The following NALF1 variants were observed in gnomAD, a reference collection of about 807,000 sequenced individuals.
The protein encoded by NALF1 is NALCN channel auxiliary factor 1.
A neutral mutation model predicts 48.4 loss-of-function variants in NALF1; 3 were observed. The observed-to-expected ratio is 0.06, with a 90% CI of 0.03 to 0.16. The LOEUF (loss-of-function observed/expected upper bound fraction) is 0.16, where lower values mean the gene tolerates loss of function less well. Among genes scored for constraint, NALF1 ranks in the 10% least tolerant of loss-of-function variants. The pLI, the probability that NALF1 is intolerant of heterozygous loss-of-function variation, is 1.00. For missense variants in NALF1, 526 were observed against 571.5 expected, an observed-to-expected ratio of 0.92 and a Z score of 0.81; for synonymous variants, 262 against 245.7, an observed-to-expected ratio of 1.07 and a Z score of -0.62.
intron 1 of NALF1, among the ~76,000 whole-genome samples, chr13:107,295,130 C>T (rs935282099): frequency 6.6e-6 from 1 of 152,162 alleles, no homozygotes. Flanking sequence ...GGTAGTTTCT[C>T]AACCCTTGTC....
chr13:107,279,726 T>C (rs566390388), intron 1 of NALF1, among the ~76,000 whole-genome samples: 47 of 152,312 alleles, frequency 3.1e-4, no homozygotes, highest in African/African-American at 1.1e-3. Flanking sequence ...CTGCCCTCAA[T>C]CTTGCTTTTT....
In NALF1 at chr13:107,583,354, A is replaced by T. The variant is rs189223649; in HGVS notation, c.915+282328T>A. On this transcript the variant is annotated intron_variant, in intron 1 of 2. Transcript: ENST00000375915. ...TGTTATCAACATTTTTACATTGTCA[A>T]ACAAGTTAAATTTTTATTCTAAGAT... is the stretch of plus-strand genomic sequence containing the variant. Among the ~76,000 whole-genome samples, 396 of 152,306 alleles carry T rather than the reference A, an allele frequency of 2.6e-3. 1 individual carries two copies. The highest frequency in any genetic ancestry group is 8.9e-3 in the African/African-American group (370 of 41,568).
chr13:107,848,512 G>A (rs1880228965), intron 1 of NALF1, among the ~76,000 whole-genome samples: 1 of 152,156 alleles, frequency 6.6e-6, no homozygotes. Context: ...CAAAATGCAA[G>A]CAGCTGTATT....
At position 107,399,725 on chromosome 13, in the gene NALF1, G is replaced by A. The variant is rs9587369; in HGVS notation, c.916-188970C>T. On this transcript the variant is annotated intron_variant, in intron 1 of 2. Coordinates refer to ENST00000375915, the MANE Select transcript of NALF1 (RefSeq NM_001080396.3). The stretch of plus-strand genomic sequence containing the variant: ...GTATGCACTACCAAGAGGAAAACGA[G>A]TAGCAGAATACTCTAATTCCCAGCA... 9.9e-3 allele frequency among the ~76,000 whole-genome samples: 1,508 copies of A among 152,194 alleles called. 28 individuals carry two copies. Among genetic ancestry groups the A allele is most frequent in the African/African-American group, 0.033 (1,370 of 41,538 alleles).
intron 1 of NALF1, among the ~76,000 whole-genome samples, chr13:107,566,865 G>A (rs373861011): frequency 1.8e-4 from 27 of 152,230 alleles, no homozygotes; most frequent in Admixed American, 1.2e-3. Context: ...TGCCCTGAGC[G>A]GCTTCTGTCC....
chr13:107,866,073 C>T lies in NALF1; in HGVS notation c.524G>A (p.Gly175Asp), dbSNP rs1389336332. 4 of 1,612,974 alleles carry T rather than the reference C, an allele frequency of 2.5e-6. No individual in the cohort carries two copies. The highest frequency in any genetic ancestry group is 3.4e-6 in the Non-Finnish European group (4 of 1,179,966). Residue 175 changes from glycine (G) to aspartate (D), a missense_variant, in exon 1 of 3, where the codon GGC (glycine) becomes GAC (aspartate). Physicochemically the swap from Gly to Asp is moderately conservative, Grantham distance 94. Transcript: ENST00000375915. The surrounding 1 kb of genome is among the most constrained non-coding windows in gnomAD (Gnocchi z 4.4). ...VWRLETCYPQ[G>D]ASSGQCFTVE... ...CGTGAAGCACTGGCCCGAGGACGCG[C>T]CCTGGGGGTAACAAGTCTCCAGGCG... is the stretch of plus-strand genomic sequence containing the variant.
intron 1 of NALF1, among the ~76,000 whole-genome samples, chr13:107,645,678 GACAAAAAAAAA>G (rs1566428070): frequency 7.1e-5 from 2 of 28,194 alleles, no homozygotes; most frequent in East Asian, 5.2e-3. Context: ...AATACTGGGA[GACAAAAAAAAA>G]AAAAAAAAAA....
At chr13:107,690,753 T>G (rs1177021293) in intron 1 of NALF1, among the ~76,000 whole-genome samples, 1 of 152,214 alleles carries the variant, frequency 6.6e-6, no homozygotes, top group African/African-American at 2.4e-5. Context: ...GATCGAATGA[T>G]GCATTGAGGA....
chr13:107,750,271 A>C (rs1302993504), intron 1 of NALF1, among the ~76,000 whole-genome samples: 1 of 151,812 alleles, frequency 6.6e-6, no homozygotes, highest in Non-Finnish European at 1.5e-5. Flanking sequence ...ATCGTCCCTG[A>C]CTCCAGAACA....
intron 1 of NALF1, among the ~76,000 whole-genome samples, chr13:107,491,268 T>C (rs1875097018): frequency 6.6e-6 from 1 of 152,180 alleles, no homozygotes; most frequent in African/African-American, 2.4e-5. Context: ...TAGGGTCACA[T>C]AGAAATGACT....
At chr13:107,435,476 G>A (rs1372765317) in intron 1 of NALF1, among the ~76,000 whole-genome samples, 1 of 152,130 alleles carries the variant, frequency 6.6e-6, no homozygotes, top group African/African-American at 2.4e-5. Flanking sequence ...TTCTTAAACG[G>A]CTACTCCAGG....
At chr13:107,621,386 C>T (rs1256879970) in intron 1 of NALF1, among the ~76,000 whole-genome samples, 1 of 152,124 alleles carries the variant, frequency 6.6e-6, no homozygotes, top group African/African-American at 2.4e-5. Context: ...TATCAAGAAG[C>T]TGTGAACTGT....
At chr13:107,606,070 G>A (rs925692342) in intron 1 of NALF1, among the ~76,000 whole-genome samples, 1 of 152,028 alleles carries the variant, frequency 6.6e-6, no homozygotes, top group Non-Finnish European at 1.5e-5. Context: ...TACAGTGCAG[G>A]CAAAATGTGT....
At position 107,622,103 on chromosome 13, in the gene NALF1, C is replaced by T. The variant is rs1305089116; in HGVS notation, c.915+243579G>A. Among the ~76,000 whole-genome samples the T allele has an allele frequency of 2.0e-5, 3 of 151,798 alleles. No homozygotes were observed. In the East Asian group the frequency reaches 5.9e-4, roughly 30 times the overall value. ...TGCCCCCCAGTTTCAAGCAATTCTCCTGTCTCAGCCTCCAAAGCACAAAAC... is the reference window on the plus strand; with the variant it reads ...TGCCCCCCAGTTTCAAGCAATTCTCTTGTCTCAGCCTCCAAAGCACAAAAC... On this transcript the variant is annotated intron_variant, in intron 1 of 2. Transcript: ENST00000375915.
intron 1 of NALF1, among the ~76,000 whole-genome samples, chr13:107,314,675 G>T (rs963126723): frequency 3.3e-5 from 5 of 152,054 alleles, no homozygotes; most frequent in African/African-American, 9.7e-5. Flanking sequence ...TAGACACTTT[G>T]TTGGCCACTG....
At chr13:107,591,914 T>C (rs1029667164) in intron 1 of NALF1, among the ~76,000 whole-genome samples, 3 of 151,938 alleles carry the variant, frequency 2.0e-5, no homozygotes, top group African/African-American at 7.2e-5. Context: ...GACAACCAAG[T>C]AAATAATTGA....
intron 1 of NALF1, among the ~76,000 whole-genome samples, chr13:107,321,175 G>A (rs555580338): frequency 2.6e-5 from 4 of 152,178 alleles, no homozygotes; most frequent in Non-Finnish European, 5.9e-5. Context: ...GGGTAAAATA[G>A]TCATTTTACT....
chr13:107,745,703 T>C (rs537446950), intron 1 of NALF1, among the ~76,000 whole-genome samples: 1 of 152,304 alleles, frequency 6.6e-6, no homozygotes, highest in Admixed American at 6.5e-5. Flanking sequence ...ATGGTTTGGC[T>C]GTGCCCCCAC....
intron 1 of NALF1, among the ~76,000 whole-genome samples, chr13:107,298,825 G>A (rs1024442265): frequency 6.6e-5 from 10 of 152,002 alleles, no homozygotes; most frequent in African/African-American, 2.2e-4. Context: ...TATACTGTTC[G>A]CCCAGCTTTC....
Sources: gnomAD v4.1 joint callset for allele counts (sites outside exome capture counted in the v4.1 genomes callset) on GRCh38, gnomAD v4.1.1 for gene constraint, Gnocchi (gnomAD v3.1) non-coding constraint, MANE v1.5 for transcripts, NCBI Gene and HGNC (gene_info 2026-07-23, HGNC 2026-07-21) for gene names.